The following PRRC2A variants were observed in gnomAD, a reference collection of about 807,000 sequenced individuals.
The protein encoded by PRRC2A is protein PRRC2A.
Under a neutral mutation model 224.6 loss-of-function variants are expected in PRRC2A, and 59 were observed. That is an observed-to-expected ratio of 0.26 (90% CI 0.21 to 0.33). The LOEUF (loss-of-function observed/expected upper bound fraction) is 0.33, where lower values mean the gene tolerates loss of function less well. PRRC2A is among the 10% of genes least tolerant of loss of function. PRRC2A has a pLI of 1.00. For synonymous variants in PRRC2A, 1,194 were observed against 1,109.5 expected (o/e 1.08, Z -1.51); for missense variants, 3,095 against 2,880.7 (o/e 1.07, Z -1.70).
In PRRC2A at chr6:31,635,969, C is replaced by A; in HGVS notation, c.5544C>A (p.Ile1848=). ...YGSAGPSSSQ[I]SGGAMDSQLH... Reference sequence around the variant, plus strand: ...TCAACCGTGCTCCTCTCCTGCAGATCTCTGGGGGAGCCATGGACTCTCAAT... The same window carrying A: ...TCAACCGTGCTCCTCTCCTGCAGATATCTGGGGGAGCCATGGACTCTCAAT... Residue 1848 remains isoleucine, a splice_region_variant and synonymous_variant, in exon 25 of 31, where the codon ATC becomes ATA. Transcript: ENST00000376033. The A allele has an allele frequency of 1.2e-6, 2 of 1,610,530 alleles. No individual in the cohort carries two copies. Among genetic ancestry groups the A allele is most frequent in the Non-Finnish European group, 1.7e-6 (2 of 1,177,288 alleles).
intron 1 of PRRC2A, 78 bp downstream of exon 1, chr6:31,620,936 C>CGGCGGT (rs1020179395): frequency 7.6e-5 from 12 of 157,182 alleles, no homozygotes; most frequent in Admixed American, 1.3e-4. Context: ...GCGGCGGCGG[C>CGGCGGT]GGCGGTGGTG....
Position 31,636,019 on chromosome 6 carries a change from G to A in PRRC2A, c.5594G>A (p.Arg1865His), listed in dbSNP as rs547605497. 48 of 1,613,306 alleles carry A rather than the reference G, an allele frequency of 3.0e-5. No homozygotes were observed. The highest frequency in any genetic ancestry group is 1.1e-4 in the South Asian group (10 of 91,058). The change falls in exon 25 of 31, where the codon CGC (arginine) becomes CAC (histidine). Residue 1865 changes from arginine to histidine, a missense_variant. Arg to His is a conservative substitution (Grantham distance 29, BLOSUM62 0). Transcript: ENST00000376033. The surrounding 1 kb of genome is among the most constrained non-coding windows in gnomAD (Gnocchi z 4.3). ...SQLHPNSGGF[R>H]PGTPSLHPYR... is the part of the protein sequence containing the mutation. ...TTACATCCAAACAGTGGAGGCTTCC[G>A]CCCTGGGACACCCTCACTGCACCCT...
rs1349358130 is a variant in PRRC2A at position 31,629,823 on chromosome 6, C to T, written c.2232C>T (p.Tyr744=). 4 of 1,613,812 alleles carry T rather than the reference C, an allele frequency of 2.5e-6. No individual in the cohort carries two copies. The highest frequency in any genetic ancestry group is 2.7e-5 in the African/African-American group (2 of 74,924). ...LLQGRPPLDF[Y]PPGVHPSGLV... Reference sequence around the variant, plus strand: ...AGGGTCGTCCCCCTCTAGACTTCTACCCTCCTGGTGTGCATCCCTCTGGTA... The same window carrying T: ...AGGGTCGTCCCCCTCTAGACTTCTATCCTCCTGGTGTGCATCCCTCTGGTA... The change falls in exon 14 of 31, where the codon TAC becomes TAT. Residue 744 remains tyrosine (Y), a synonymous_variant. Coordinates refer to ENST00000376033, the MANE Select transcript of PRRC2A (RefSeq NM_004638.4).
chr6:31,635,858 C>G, intron 24 of PRRC2A, 109 bp downstream of exon 24: 2 of 1,448,318 alleles, frequency 1.4e-6, no homozygotes, highest in Non-Finnish European at 1.9e-6. Context: ...TGAGATACCA[C>G]TTTGTCACAT....
Position 31,636,321 on chromosome 6 carries a change from G to C in PRRC2A, c.5737G>C (p.Gly1913Arg), listed in dbSNP as rs748795581. 6.2e-7 allele frequency: 1 copy of C among 1,613,016 alleles called. No homozygotes were observed. Reference protein sequence around the residue: ...DFSTMQATELGKLPAGGVLYP... With the variant: ...DFSTMQATELRKLPAGGVLYP... ...CTCCACAATGCAAGCTACAGAGCTGGGGAAGTTGCCGGCTGGAGGAGTTCT... is the reference window on the plus strand; with the variant it reads ...CTCCACAATGCAAGCTACAGAGCTGCGGAAGTTGCCGGCTGGAGGAGTTCT... Residue 1913 changes from glycine to arginine, a missense_variant, in exon 26 of 31, where the codon GGG becomes CGG. Coordinates refer to ENST00000376033, the MANE Select transcript of PRRC2A (RefSeq NM_004638.4). The surrounding 1 kb of genome is among the most constrained non-coding windows in gnomAD (Gnocchi z 4.3).
intron 24 of PRRC2A, 87 bp from the exon 25 acceptor site, chr6:31,635,880 C>T: frequency 6.9e-7 from 1 of 1,448,494 alleles, no homozygotes; most frequent in Non-Finnish European, 9.4e-7. Context: ...ATTTTTCTCC[C>T]TACTTTTTGC....
Position 31,620,780 on chromosome 6 carries a change from C to G in PRRC2A, c.-179C>G, listed in dbSNP as rs945822060. The G allele has an allele frequency of 6.6e-6, 1 of 152,074 alleles. No homozygotes were observed. The highest frequency in any genetic ancestry group is 1.5e-5 in the Non-Finnish European group (1 of 68,042). The allele number at this position is 152,074 out of a possible 1,614,324, so 9.4% of individuals were successfully genotyped here. The stretch of plus-strand genomic sequence containing the variant: ...GAGCCGAACCCGGCGCCATCCGCCG[C>G]CATCCTCCCCCGCCCCACCGCCATC... On this transcript the variant is annotated 5_prime_UTR_variant, in exon 1 of 31. Coordinates refer to ENST00000376033, the MANE Select transcript of PRRC2A (RefSeq NM_004638.4).
chr6:31,635,945 C>T, intron 24 of PRRC2A, 22 bp from the exon 25 acceptor site: 1 of 1,582,924 alleles, frequency 6.3e-7, no homozygotes, highest in Non-Finnish European at 8.6e-7. Flanking sequence ...AAAGCTGTTT[C>T]AACCGTGCTC....
chr6:31,636,133 C>G lies in PRRC2A; in HGVS notation c.5625-76C>G. 2 of 1,562,346 alleles carry G rather than the reference C, an allele frequency of 1.3e-6. No homozygotes were observed. The highest frequency in any genetic ancestry group is 1.7e-4 in the Middle Eastern group (1 of 5,956). ...AAGGGGAAGACACAGTTCTAGGGTA[C>G]TAGAAGCTAGTGGACTTAAGGCATT... On this transcript the variant is annotated intron_variant, in intron 25 of 30. Transcript: ENST00000376033. The surrounding 1 kb of genome is among the most constrained non-coding windows in gnomAD (Gnocchi z 4.3).
At position 31,635,656 on chromosome 6, in the gene PRRC2A, G is replaced by C. The variant is rs1178529976; in HGVS notation, c.5448G>C (p.Leu1816=). ...CTGCTGAGCCACAATCCAAGAACCTGGATTCTGGGCACTGTGTCCCGGAGC... is the reference window on the plus strand; with the variant it reads ...CTGCTGAGCCACAATCCAAGAACCTCGATTCTGGGCACTGTGTCCCGGAGC... ...AASAEPQSKN[L]DSGHCVPEPS... Residue 1816 remains leucine (L), a synonymous_variant, in exon 24 of 31, where the codon CTG becomes CTC. Transcript: ENST00000376033. 3 of 1,612,868 alleles carry C rather than the reference G, an allele frequency of 1.9e-6. No individual in the cohort carries two copies. Among genetic ancestry groups the C allele is most frequent in the Non-Finnish European group, 2.5e-6 (3 of 1,179,934 alleles).
chr6:31,622,743 G>A lies in PRRC2A; in HGVS notation c.-47G>A, dbSNP rs1161717518. 6.9e-7 allele frequency: 1 copy of A among 1,452,428 alleles called. No homozygotes were observed. Among genetic ancestry groups the A allele is most frequent in the South Asian group, 1.1e-5 (1 of 87,566 alleles). 90.0% of individuals were successfully genotyped at this position (1,452,428 alleles called of 1,614,324 possible). A position where few individuals can be genotyped will look rare whatever the true frequency, so the allele number is the denominator to read the frequency against. On this transcript the variant is annotated 5_prime_UTR_variant, in exon 2 of 31. Coordinates refer to ENST00000376033, the MANE Select transcript of PRRC2A (RefSeq NM_004638.4). Reference sequence around the variant, plus strand: ...GGCCCACAGGCTCTGGCACGTTTTGGGGGAGGTGCCTGCAGGACCCAACAT... The same window carrying A: ...GGCCCACAGGCTCTGGCACGTTTTGAGGGAGGTGCCTGCAGGACCCAACAT...
chr6:31,621,673 A>G (rs1422651777), intron 1 of PRRC2A, among the ~76,000 whole-genome samples: 1 of 152,120 alleles, frequency 6.6e-6, no homozygotes, highest in Non-Finnish European at 1.5e-5. Flanking sequence ...AGCTTGTCAT[A>G]AAGTTCTTTC....
chr6:31,626,818 T>C lies in PRRC2A; in HGVS notation c.1029T>C (p.Asp343=), dbSNP rs1775961747. The C allele has an allele frequency of 2.5e-6, 4 of 1,600,604 alleles. No homozygotes were observed. Among genetic ancestry groups the C allele is most frequent in the Non-Finnish European group, 3.4e-6 (4 of 1,174,068 alleles). The change falls in exon 10 of 31, where the codon GAT becomes GAC. Residue 343 remains aspartate, a synonymous_variant. Coordinates refer to ENST00000376033, the MANE Select transcript of PRRC2A (RefSeq NM_004638.4). ...ACACTGAAAAGCTCAAGTTCAGCGA[T>C]GAGGAAGATGGGCGAGACTCTGATG... The part of the protein sequence containing the change: ...VDYTEKLKFS[D]EEDGRDSDEE...
At position 31,634,823 on chromosome 6, in the gene PRRC2A, G is replaced by A; in HGVS notation, c.5006G>A (p.Arg1669Gln). Reference sequence around the variant, plus strand: ...GTGTCATCAGGTCCCTGCAGCCAGCGAAGTTCCCCTGATGGAGGACTCAAG... The same window carrying A: ...GTGTCATCAGGTCCCTGCAGCCAGCAAAGTTCCCCTGATGGAGGACTCAAG... ...SQVSSGPCSQ[R>Q]SSPDGGLKGA... Residue 1669 changes from arginine to glutamine, a missense_variant, in exon 21 of 31, where the codon CGA becomes CAA. This residue lies in a region of PRRC2A where 15 missense variants were observed against 35.3 expected (regional missense o/e 0.42). Coordinates refer to ENST00000376033, the MANE Select transcript of PRRC2A (RefSeq NM_004638.4). 2 of 1,612,958 alleles carry A rather than the reference G, an allele frequency of 1.2e-6. No individual in the cohort carries two copies. Among genetic ancestry groups the A allele is most frequent in the East Asian group, 2.2e-5 (1 of 44,872 alleles).
In PRRC2A at chr6:31,623,773, A is replaced by G; in HGVS notation, c.154A>G (p.Ile52Val). The change falls in exon 3 of 31, where the codon ATT becomes GTT. Residue 52 changes from isoleucine to valine, a missense_variant. By Grantham distance (29) the Ile-to-Val change is conservative. Coordinates refer to ENST00000376033, the MANE Select transcript of PRRC2A (RefSeq NM_004638.4). ...CCTGCAGAGTCTCGGGAAAGTTGCC[A>G]TTGCCCGGCGTATGCCACCTCCAGC... ...HGLQSLGKVA[I>V]ARRMPPPANL... 3 of 1,614,208 alleles carry G rather than the reference A, an allele frequency of 1.9e-6. No individual in the cohort carries two copies. The highest frequency in any genetic ancestry group is 8.5e-7 in the Non-Finnish European group (1 of 1,180,032).
chr6:31,635,510 G>A (rs762669947), intron 23 of PRRC2A, 45 bp downstream of exon 23: 13 of 1,612,224 alleles, frequency 8.1e-6, no homozygotes, highest in Middle Eastern at 1.7e-4. Flanking sequence ...AGATTTCTGG[G>A]GAAGATTGCT....
Position 31,636,875 on chromosome 6 carries a change from C to T in PRRC2A, c.6077C>T (p.Pro2026Leu), listed in dbSNP as rs1234713592. ...LQPPSLAVRP[P>L]PAPATRVLPS... ...CCCCCCAGCCTGGCTGTGCGGCCCCCACCTGCTCCTGCTACTCGGGTGCTG... is the reference window on the plus strand; with the variant it reads ...CCCCCCAGCCTGGCTGTGCGGCCCCTACCTGCTCCTGCTACTCGGGTGCTG... The change falls in exon 28 of 31, where the codon CCA becomes CTA. Residue 2026 changes from proline to leucine, a missense_variant. By Grantham distance (98) the Pro-to-Leu change is moderately conservative (BLOSUM62 -3). Around this residue, in one of 8 missense-constraint regions of PRRC2A, gnomAD observed 662 missense variants for 609.5 expected, o/e 1.09. Transcript: ENST00000376033. This position sits in a 1 kb window ranked among gnomAD's most constrained non-coding sequence, Gnocchi z 4.3. 2 of 1,612,912 alleles carry T rather than the reference C, an allele frequency of 1.2e-6. No individual in the cohort carries two copies. Among genetic ancestry groups the T allele is most frequent in the African/African-American group, 1.3e-5 (1 of 74,938 alleles).
In PRRC2A at chr6:31,633,613, C is replaced by G; in HGVS notation, c.4554C>G (p.Tyr1518Ter). Residue 1518 changes from tyrosine (Y) to a stop codon, truncating the protein, a stop_gained, in exon 17 of 31, where the codon TAC becomes TAG. Coordinates refer to ENST00000376033, the MANE Select transcript of PRRC2A (RefSeq NM_004638.4). LOFTEE classifies it high-confidence loss of function. ...QGPSPRPPTR[Y>*]EPQRVNSGLS... ...CCTCTCCTAGGCCCCCAACCCGATA[C>G]GAGCCCCAGAGGGTCAACAGCGGCC... 1 of 1,612,632 alleles carries G rather than the reference C, an allele frequency of 6.2e-7. No individual in the cohort carries two copies.
In PRRC2A at chr6:31,636,742, C is replaced by T. The variant is rs763625095; in HGVS notation, c.5944C>T (p.Pro1982Ser). ...AAATTTCTTGTTACAGATGCTTCTACCCATGGTAGACTCACAGCTGCCTGT... is the reference window on the plus strand; with the variant it reads ...AAATTTCTTGTTACAGATGCTTCTATCCATGGTAGACTCACAGCTGCCTGT... ...SGAPAQQMLL[P>S]MVDSQLPVVN... The change falls in exon 28 of 31, where the codon CCC becomes TCC. Residue 1982 changes from proline (P) to serine (S), a missense_variant. Coordinates refer to ENST00000376033, the MANE Select transcript of PRRC2A (RefSeq NM_004638.4). This position sits in a 1 kb window ranked among gnomAD's most constrained non-coding sequence, Gnocchi z 4.3. The T allele has an allele frequency of 1.2e-6, 2 of 1,607,154 alleles. No homozygotes were observed. The highest frequency in any genetic ancestry group is 1.7e-6 in the Non-Finnish European group (2 of 1,179,964).
Sources: allele counts gnomAD v4.1 joint callset (sites outside exome capture counted in the v4.1 genomes callset), GRCh38; gene constraint gnomAD v4.1.1; regional missense constraint gnomAD v4.1.1; non-coding constraint Gnocchi (gnomAD v3.1); transcripts MANE v1.5; gene names NCBI Gene and HGNC (gene_info 2026-07-23, HGNC 2026-07-21).